The following CCDC141 variants were observed in gnomAD, a reference collection of about 807,000 sequenced individuals.
CCDC141 encodes coiled-coil domain-containing protein 141.
In CCDC141, 168 loss-of-function variants were observed where a neutral mutation model predicts 181.0. That is an observed-to-expected ratio of 0.93 (90% CI 0.82 to 1.05). CCDC141 has a LOEUF of 1.05. Ranked by LOEUF, CCDC141 falls within the 50% of genes least tolerant of loss-of-function variation. CCDC141 has a pLI of 0.00. For synonymous variants in CCDC141, 666 were observed against 642.3 expected (o/e 1.04, Z -0.56); for missense variants, 1,902 against 1,788.5 (o/e 1.06, Z -1.14).
chr2:178,825,972 T>C (rs1377628196), downstream of CCDC141, among the ~76,000 whole-genome samples: 1 of 152,208 alleles, frequency 6.6e-6, no homozygotes, highest in Non-Finnish European at 1.5e-5. Context: ...TTATGTTTTC[T>C]TGTCATATTC....
chr2:178,888,427 A>T, intron 9 of CCDC141, 100 bp downstream of exon 9: 1 of 1,057,822 alleles, frequency 9.5e-7, no homozygotes, highest in South Asian at 1.5e-5. Context: ...GGGCAGCCTA[A>T]GGAGACATGC....
intron 2 of CCDC141, among the ~76,000 whole-genome samples, chr2:179,013,987 A>AAAAG (rs2042352144): frequency 1.4e-5 from 2 of 144,214 alleles, no homozygotes; most frequent in Non-Finnish European, 3.0e-5. Flanking sequence ...AAAAAAAAAA[A>AAAAG]GGACAAATCT....
intron 4 of CCDC141, among the ~76,000 whole-genome samples, chr2:178,972,698 T>C (rs900794924): frequency 6.6e-6 from 1 of 152,172 alleles, no homozygotes; most frequent in Non-Finnish European, 1.5e-5. Flanking sequence ...TTTAACTAAC[T>C]AGGTAATTTT....
At chr2:178,871,577 A>T (rs762719569) in intron 13 of CCDC141, 25 bp from the exon 14 acceptor site, 1 of 1,607,340 alleles carries the variant, frequency 6.2e-7, no homozygotes, top group South Asian at 1.1e-5. Context: ...GGACAGTTAC[A>T]CATGCATTTT....
chr2:178,912,822 G>T (rs915618429), intron 7 of CCDC141, among the ~76,000 whole-genome samples: 3 of 152,074 alleles, frequency 2.0e-5, no homozygotes, highest in African/African-American at 4.8e-5. Context: ...TACATTCCTG[G>T]CGAATTGAAT....
At chr2:178,845,605 A>G (rs1424209392) in intron 22 of CCDC141, 21 bp downstream of exon 22, 2 of 1,315,264 alleles carry the variant, frequency 1.5e-6, no homozygotes, top group Non-Finnish European at 2.2e-6. Context: ...TCAATAGCTG[A>G]GGTTAAGTAG....
At chr2:178,963,933 T>C (rs902523233) in intron 4 of CCDC141, among the ~76,000 whole-genome samples, 5 of 152,064 alleles carry the variant, frequency 3.3e-5, no homozygotes, top group African/African-American at 1.2e-4. Context: ...GTAAATAGCG[T>C]AAGAAAAGTC....
At chr2:178,907,722 G>A (rs865837325) in intron 7 of CCDC141, among the ~76,000 whole-genome samples, 15 of 152,126 alleles carry the variant, frequency 9.9e-5, no homozygotes, top group Non-Finnish European at 1.5e-4. Context: ...AGCCAGGCAC[G>A]GTGGCTCACA....
At chr2:178,870,607 G>A (rs1052763401) in intron 14 of CCDC141, among the ~76,000 whole-genome samples, 1 of 152,196 alleles carries the variant, frequency 6.6e-6, no homozygotes, top group Non-Finnish European at 1.5e-5. Context: ...AATGGTGGGT[G>A]TGTTTCTGTG....
chr2:178,954,419 A>T (rs1690075271), intron 5 of CCDC141, among the ~76,000 whole-genome samples: 1 of 152,242 alleles, frequency 6.6e-6, no homozygotes, highest in Non-Finnish European at 1.5e-5. Context: ...TGCTATAATT[A>T]TCTTTATGAG....
chr2:178,827,384 G>A (rs73040347), downstream of CCDC141, among the ~76,000 whole-genome samples: 3 of 152,080 alleles, frequency 2.0e-5, no homozygotes, highest in Non-Finnish European at 4.4e-5. Flanking sequence ...TGCTGTTTAG[G>A]TCATGTATTT....
chr2:178,997,302 C>A (rs1283681940), intron 2 of CCDC141, among the ~76,000 whole-genome samples: 1 of 152,146 alleles, frequency 6.6e-6, no homozygotes. Context: ...GGTGATTGCT[C>A]ATATGCTGTC....
At chr2:178,948,501 A>G (rs1464369471) in intron 5 of CCDC141, among the ~76,000 whole-genome samples, 14 of 152,128 alleles carry the variant, frequency 9.2e-5, no homozygotes, top group Admixed American at 9.2e-4. Flanking sequence ...GCGGTGTGAG[A>G]TATCAGTTGG....
At chr2:178,903,830 A>G (rs1212321754) in intron 8 of CCDC141, among the ~76,000 whole-genome samples, 1 of 152,126 alleles carries the variant, frequency 6.6e-6, no homozygotes, top group Non-Finnish European at 1.5e-5. Context: ...GCAAGCAAAG[A>G]GTAGCCTGAC....
chr2:178,892,597 ACTTTC>A (rs1687209670), intron 8 of CCDC141, among the ~76,000 whole-genome samples: 2 of 152,104 alleles, frequency 1.3e-5, no homozygotes, highest in Admixed American at 6.6e-5. Flanking sequence ...ATGATACCGG[ACTTTC>A]CTTTTGAAAG....
At chr2:178,956,249 A>T (rs1249056446) in intron 5 of CCDC141, among the ~76,000 whole-genome samples, 1 of 152,228 alleles carries the variant, frequency 6.6e-6, no homozygotes, top group Non-Finnish European at 1.5e-5. Flanking sequence ...GCTGTTAACA[A>T]GAGAAAATGT....
At chr2:178,990,508 AAGAG>A (rs375327814) in intron 2 of CCDC141, among the ~76,000 whole-genome samples, 8 of 147,978 alleles carry the variant, frequency 5.4e-5, no homozygotes, top group African/African-American at 2.0e-4. Flanking sequence ...CATAGTACAA[AAGAG>A]AGAGAGAGAA....
intron 6 of CCDC141, among the ~76,000 whole-genome samples, chr2:178,936,509 T>C (rs1006854224): frequency 7.9e-5 from 12 of 152,180 alleles, no homozygotes; most frequent in African/African-American, 2.9e-4. Flanking sequence ...CCCTGTAGTA[T>C]AGTTTGAACT....
chr2:178,937,826 T>A (rs1229398607), intron 6 of CCDC141, among the ~76,000 whole-genome samples: 4 of 152,018 alleles, frequency 2.6e-5, no homozygotes, highest in Non-Finnish European at 5.9e-5. Flanking sequence ...CTAGAATTTA[T>A]CCATCTCTTT....
Sources: allele counts gnomAD v4.1 joint callset (sites outside exome capture counted in the v4.1 genomes callset), GRCh38; gene constraint gnomAD v4.1.1; transcripts MANE v1.5; gene names NCBI Gene and HGNC (gene_info 2026-07-23, HGNC 2026-07-21).